Variants in ZBTB40 observed in about 807,000 individuals in gnomAD.
ZBTB40 encodes the protein zinc finger and BTB domain-containing protein 40.
ZBTB40 carries 60 observed loss-of-function variants against 117.5 expected under a neutral mutation model. That is an observed-to-expected ratio of 0.51 (90% CI 0.41 to 0.63). The LOEUF (loss-of-function observed/expected upper bound fraction) is 0.63, where lower values mean the gene tolerates loss of function less well. Ranked by LOEUF, ZBTB40 falls within the 30% of genes least tolerant of loss-of-function variation. The pLI is 0.00. For missense variants in ZBTB40, 1,287 were observed against 1,498.5 expected, an observed-to-expected ratio of 0.86 and a Z score of 2.33; for synonymous variants, 525 against 577.1, an observed-to-expected ratio of 0.91 and a Z score of 1.29.
chr1:22,457,981 T>C (rs890491855), intron 1 of ZBTB40, among the ~76,000 whole-genome samples: 15 of 152,222 alleles, frequency 9.9e-5, no homozygotes, highest in Non-Finnish European at 1.5e-5. Flanking sequence ...TACTTCTCCC[T>C]GGTTCTTAGG....
intron 1 of ZBTB40, among the ~76,000 whole-genome samples, chr1:22,457,804 A>T (rs185591070): frequency 6.6e-6 from 1 of 152,234 alleles, no homozygotes; most frequent in East Asian, 1.9e-4. Context: ...GAGGTAATCT[A>T]ACCTGCTAAT....
intron 3 of ZBTB40, among the ~76,000 whole-genome samples, chr1:22,499,475 G>A (rs2053): frequency 0.31 from 46,739 of 152,024 alleles, 7,951 homozygotes; most frequent in Admixed American, 0.43. Context: ...TCAGTGAAAA[G>A]GCATTTTAAA....
chr1:22,526,407 A>T lies in ZBTB40; in HGVS notation c.*11A>T. 1 of 1,613,826 alleles carries T rather than the reference A, an allele frequency of 6.2e-7. No individual in the cohort carries two copies. Among genetic ancestry groups the T allele is most frequent in the Non-Finnish European group, 8.5e-7 (1 of 1,180,022 alleles). The stretch of plus-strand genomic sequence containing the variant: ...GGTGAGGCCAAATGAGCAGCCTTTC[A>T]TCCGGCAGAGCCTTCCTGCGTTTGC... On this transcript the variant is annotated 3_prime_UTR_variant, in exon 18 of 18. Transcript: ENST00000375647.
At chr1:22,512,516 T>C (rs901012131) in intron 11 of ZBTB40, among the ~76,000 whole-genome samples, 2 of 152,230 alleles carry the variant, frequency 1.3e-5, no homozygotes, top group South Asian at 2.1e-4. Flanking sequence ...ACTTGTTTCT[T>C]GGTAACAAAC....
At chr1:22,479,722 G>A (rs1164288277) in intron 1 of ZBTB40, among the ~76,000 whole-genome samples, 1 of 152,130 alleles carries the variant, frequency 6.6e-6, no homozygotes, top group Non-Finnish European at 1.5e-5. Flanking sequence ...CCTATTAGAT[G>A]CATGTTTGGC....
At chr1:22,468,465 CTTTTTTTTTTTTTTTTTTTTT>C (rs555995462) in intron 1 of ZBTB40, among the ~76,000 whole-genome samples, 1 of 51,708 alleles carries the variant, frequency 1.9e-5, no homozygotes, top group Non-Finnish European at 3.4e-5. Context: ...TTAATGTTTC[CTTTTTTTTTTTTTTTTTTTTT>C]TTTTTTGGAG....
chr1:22,512,218 C>A, intron 11 of ZBTB40, 84 bp downstream of exon 11: 1 of 1,452,856 alleles, frequency 6.9e-7, no homozygotes, highest in Non-Finnish European at 9.5e-7. Flanking sequence ...TAGTTGTGTG[C>A]AGTGAGGGCT....
intron 3 of ZBTB40, among the ~76,000 whole-genome samples, chr1:22,501,159 A>T (rs1354536908): frequency 6.6e-6 from 1 of 152,244 alleles, no homozygotes. Context: ...AGTAGGAGAA[A>T]AAAAAAATTA....
At chr1:22,495,978 A>G (rs1638763336) in intron 3 of ZBTB40, among the ~76,000 whole-genome samples, 1 of 152,190 alleles carries the variant, frequency 6.6e-6, no homozygotes, top group Non-Finnish European at 1.5e-5. Flanking sequence ...TAGGGGTTGG[A>G]CAGGACGCTG....
chr1:22,487,682 T>C (rs1184703297), intron 1 of ZBTB40, among the ~76,000 whole-genome samples: 1 of 152,062 alleles, frequency 6.6e-6, no homozygotes, highest in Non-Finnish European at 1.5e-5. Flanking sequence ...TCTCCTGCAA[T>C]AATAGAGCCC....
chr1:22,496,515 G>A (rs1450594643), intron 3 of ZBTB40, among the ~76,000 whole-genome samples: 2 of 152,220 alleles, frequency 1.3e-5, no homozygotes, highest in African/African-American at 4.8e-5. Context: ...GAATTGTGGG[G>A]CCCTTTCCAG....
intron 9 of ZBTB40, 147 bp from the exon 10 acceptor site, chr1:22,511,032 C>T: frequency 9.9e-7 from 1 of 1,007,956 alleles, no homozygotes; most frequent in Non-Finnish European, 1.5e-6. Context: ...CTGTCCACTA[C>T]ATTTATCACA....
chr1:22,518,003 A>C lies in ZBTB40; in HGVS notation c.2833+539A>C, dbSNP rs1639421071. 2.6e-5 allele frequency among the ~76,000 whole-genome samples: 4 copies of C among 152,216 alleles called. No individual in the cohort carries two copies. The South Asian group carries it at 8.3e-4, about 31-fold the overall frequency. On this transcript the variant is annotated intron_variant, in intron 13 of 17. Transcript: ENST00000375647. ...TGTGAGAACTGACACAGACAGAAAC[A>C]CACTTTTATTCGGCATGCGTGCATG... is the stretch of plus-strand genomic sequence containing the variant.
intron 1 of ZBTB40, among the ~76,000 whole-genome samples, chr1:22,467,099 G>A (rs2124398047): frequency 6.6e-6 from 1 of 152,116 alleles, no homozygotes; most frequent in South Asian, 2.1e-4. Context: ...TGCGAATATA[G>A]TGTACATAAA....
Position 22,502,290 on chromosome 1 carries a change from C to G in ZBTB40, c.1025-9C>G. ...TTCTCTTGTGTGTCTCTAACTCTTT[C>G]TCCCCCAGGGAGCACAGAGGAGGGA... On this transcript the variant is annotated splice_polypyrimidine_tract_variant and intron_variant, in intron 4 of 17. Transcript: ENST00000375647. 1.2e-6 allele frequency: 2 copies of G among 1,612,662 alleles called. No individual in the cohort carries two copies. The highest frequency in any genetic ancestry group is 1.7e-6 in the Non-Finnish European group (2 of 1,179,264).
chr1:22,522,304 CCT>C (rs1416372146), intron 15 of ZBTB40, 71 bp from the exon 16 acceptor site: 1 of 1,454,936 alleles, frequency 6.9e-7, no homozygotes, highest in Non-Finnish European at 9.7e-7. Context: ...CAACCCCAGC[CCT>C]GTTACTCTTC....
intron 1 of ZBTB40, among the ~76,000 whole-genome samples, chr1:22,460,038 T>C (rs973006740): frequency 2.0e-5 from 3 of 152,206 alleles, no homozygotes; most frequent in African/African-American, 7.2e-5. Context: ...ACATTTTGCA[T>C]GCGACTTCAA....
chr1:22,511,976 G>A lies in ZBTB40; in HGVS notation c.2303G>A (p.Cys768Tyr), dbSNP rs771083960. ...CRVAKSKQVQ[C>Y]KECSETKDSK... ...GTGGCTAAGAGCAAACAGGTGCAGTGTAAGGAGTGCAGTGAGACCAAGGAT... is the reference window on the plus strand; with the variant it reads ...GTGGCTAAGAGCAAACAGGTGCAGTATAAGGAGTGCAGTGAGACCAAGGAT... The change falls in exon 11 of 18, where the codon TGT becomes TAT. Residue 768 changes from cysteine to tyrosine, a missense_variant. Transcript: ENST00000375647. The A allele has an allele frequency of 6.2e-7, 1 of 1,614,218 alleles. No individual in the cohort carries two copies. Among genetic ancestry groups the A allele is most frequent in the South Asian group, 1.1e-5 (1 of 91,090 alleles).
chr1:22,470,058 G>A (rs1641363938), intron 1 of ZBTB40, among the ~76,000 whole-genome samples: 1 of 152,188 alleles, frequency 6.6e-6, no homozygotes, highest in African/African-American at 2.4e-5. Context: ...CCCCACTGAA[G>A]CCCTGTTGTG....
Sources: allele counts gnomAD v4.1 joint callset (sites outside exome capture counted in the v4.1 genomes callset), GRCh38; gene constraint gnomAD v4.1.1; transcripts MANE v1.5; gene names NCBI Gene and HGNC (gene_info 2026-07-23, HGNC 2026-07-21).